Variants in NRXN3 observed in about 807,000 individuals in gnomAD.
NRXN3 encodes neurexin 3, also known as neurexin III.
In NRXN3, 32 loss-of-function variants were observed where a neutral mutation model predicts 137.6. The ratio of observed to expected loss-of-function variants is 0.23; its 90% confidence interval spans 0.18 to 0.31. The LOEUF (loss-of-function observed/expected upper bound fraction) is 0.31. NRXN3 is among the 10% of genes least tolerant of loss of function. NRXN3 has a pLI of 1.00. For synonymous variants in NRXN3, 798 were observed against 784.5 expected, an observed-to-expected ratio of 1.02 and a Z score of -0.29; for missense variants, 1,574 against 2,062.5, an observed-to-expected ratio of 0.76 and a Z score of 4.59.
intron 14 of NRXN3, among the ~76,000 whole-genome samples, chr14:78,985,873 A>T (rs1011535213): frequency 2.0e-5 from 3 of 152,226 alleles, no homozygotes; most frequent in Non-Finnish European, 4.4e-5. Context: ...CACTGAGAAC[A>T]TGACCACATA....
chr14:78,500,655 A>C (rs138635690), intron 4 of NRXN3, among the ~76,000 whole-genome samples: 45 of 152,296 alleles, frequency 3.0e-4, no homozygotes, highest in African/African-American at 1.0e-3. Flanking sequence ...GACTTTTACT[A>C]TCTCACCTTA....
At chr14:78,313,625 T>C (rs1161196779) in intron 4 of NRXN3, among the ~76,000 whole-genome samples, 1 of 152,110 alleles carries the variant, frequency 6.6e-6, no homozygotes, top group Non-Finnish European at 1.5e-5. Flanking sequence ...AGAACCAAGA[T>C]AAACTGAGCT....
At chr14:79,131,625 C>CT (rs1262000174) in intron 15 of NRXN3, among the ~76,000 whole-genome samples, 6 of 152,218 alleles carry the variant, frequency 3.9e-5, no homozygotes, top group Non-Finnish European at 8.8e-5. Context: ...TTACTGCTGT[C>CT]TTTTTGTTTG....
intron 19 of NRXN3, among the ~76,000 whole-genome samples, chr14:79,740,850 C>G (rs12431759): frequency 0.49 from 70,753 of 145,170 alleles, 17,852 homozygotes; most frequent in Middle Eastern, 0.65. Flanking sequence ...CAAATTTCTA[C>G]AGGGTGAAGC....
intron 2 of NRXN3, among the ~76,000 whole-genome samples, chr14:78,271,679 T>C (rs1370168823): frequency 6.6e-6 from 1 of 152,152 alleles, no homozygotes; most frequent in Non-Finnish European, 1.5e-5. Flanking sequence ...CTTCCCCTCC[T>C]GGCCGCTGCC....
At chr14:78,361,195 T>G (rs138961549) in intron 4 of NRXN3, among the ~76,000 whole-genome samples, 3 of 152,260 alleles carry the variant, frequency 2.0e-5, no homozygotes, top group African/African-American at 4.8e-5. Flanking sequence ...ACCAGTAGCA[T>G]CCAGGTCCCA....
At chr14:78,251,561 T>G (rs2068633426) in intron 2 of NRXN3, among the ~76,000 whole-genome samples, 1 of 152,164 alleles carries the variant, frequency 6.6e-6, no homozygotes, top group African/African-American at 2.4e-5. Context: ...TGTGATTTCA[T>G]TTTTTTCTTC....
intron 19 of NRXN3, among the ~76,000 whole-genome samples, chr14:79,759,218 G>T (rs2099030138): frequency 6.8e-6 from 1 of 147,894 alleles, no homozygotes; most frequent in African/African-American, 2.7e-5. Flanking sequence ...TTATAACTGG[G>T]TAGTAAACAT....
chr14:78,810,717 C>T (rs1372912247), intron 10 of NRXN3, among the ~76,000 whole-genome samples: 1 of 152,172 alleles, frequency 6.6e-6, no homozygotes, highest in Non-Finnish European at 1.5e-5. Context: ...ATGCACTTCT[C>T]CACTACCAAA....
chr14:78,197,716 G>A lies in NRXN3; in HGVS notation c.-704+27042G>A, dbSNP rs1461573022. On this transcript the variant is annotated intron_variant, in intron 1 of 20. Coordinates refer to ENST00000335750, the MANE Select transcript of NRXN3 (RefSeq NM_001330195.2). ...GGTTGACCCTGACATGCCCCTCCAT[G>A]GGGTATTCATGACCAAGTATTACTC... Among the ~76,000 whole-genome samples, 4 of 152,172 alleles carry A rather than the reference G, an allele frequency of 2.6e-5. No homozygotes were observed. The East Asian group carries it at 7.7e-4, about 29-fold the overall frequency.
intron 1 of NRXN3, among the ~76,000 whole-genome samples, chr14:78,216,666 G>A (rs2063316261): frequency 1.3e-5 from 2 of 152,210 alleles, no homozygotes; most frequent in Non-Finnish European, 2.9e-5. Context: ...AGTTTCCTGG[G>A]ACAGCTCTAA....
intron 2 of NRXN3, among the ~76,000 whole-genome samples, chr14:78,256,664 A>G (rs1253777670): frequency 1.3e-5 from 2 of 152,234 alleles, no homozygotes; most frequent in Non-Finnish European, 2.9e-5. Context: ...TCATTGATTA[A>G]TTTGTTCAAC....
At chr14:79,378,876 TAA>T (rs66538778) in intron 15 of NRXN3, among the ~76,000 whole-genome samples, 96 of 143,592 alleles carry the variant, frequency 6.7e-4, no homozygotes, top group South Asian at 2.9e-3. Context: ...TGAACAGATT[TAA>T]AAAAAAAAAA....
intron 6 of NRXN3, among the ~76,000 whole-genome samples, chr14:78,684,787 T>C (rs1485374551): frequency 2.6e-5 from 4 of 152,194 alleles, no homozygotes; most frequent in Non-Finnish European, 5.9e-5. Context: ...GAGCAAGACC[T>C]TGTCTCAAAA....
At chr14:78,656,779 T>A (rs538932261) in intron 6 of NRXN3, among the ~76,000 whole-genome samples, 27 of 152,036 alleles carry the variant, frequency 1.8e-4, no homozygotes, top group Admixed American at 6.6e-4. Flanking sequence ...TGCGGTGGCT[T>A]ACGCCTGTAA....
chr14:78,803,292 A>G (rs1277115570), intron 8 of NRXN3, among the ~76,000 whole-genome samples: 14 of 152,232 alleles, frequency 9.2e-5, no homozygotes, highest in Admixed American at 8.5e-4. Context: ...ATTGCAAACA[A>G]TACTATTTGT....
At chr14:78,476,135 A>G (rs10431730) in intron 4 of NRXN3, among the ~76,000 whole-genome samples, 41,725 of 152,182 alleles carry the variant, frequency 0.27, 7,238 homozygotes, top group Non-Finnish European at 0.37. Context: ...AGTGCTTACT[A>G]TGTGTCACAC....
intron 6 of NRXN3, among the ~76,000 whole-genome samples, chr14:78,674,087 C>T (rs1394674147): frequency 6.6e-6 from 1 of 152,164 alleles, no homozygotes; most frequent in Non-Finnish European, 1.5e-5. Flanking sequence ...GCAGACCGAA[C>T]TGCCTATCAG....
intron 4 of NRXN3, among the ~76,000 whole-genome samples, chr14:78,593,004 G>T (rs1031989668): frequency 6.6e-6 from 1 of 152,154 alleles, no homozygotes; most frequent in Non-Finnish European, 1.5e-5. Context: ...TCATTTGTGC[G>T]CACAGGCACT....
Sources: allele counts gnomAD v4.1 joint callset (sites outside exome capture counted in the v4.1 genomes callset), GRCh38; gene constraint gnomAD v4.1.1; transcripts MANE v1.5; gene names NCBI Gene and HGNC (gene_info 2026-07-23, HGNC 2026-07-21).